The following PCDH11X variants were observed in gnomAD, a reference collection of about 807,000 sequenced individuals.
The protein encoded by PCDH11X is protocadherin 11 X-linked, also known as protocadherin-11 X-linked.
A neutral mutation model predicts 53.3 loss-of-function variants in PCDH11X; 18 were observed. The observed-to-expected ratio is 0.34, with a 90% CI of 0.23 to 0.50. The LOEUF (loss-of-function observed/expected upper bound fraction) is 0.50. PCDH11X is among the 20% of genes least tolerant of loss of function. The probability of loss-of-function intolerance (pLI) is 0.98; values close to 1 mark genes in which losing one functional copy is unlikely to be tolerated. For synonymous variants in PCDH11X, 279 were observed against 393.3 expected (o/e 0.71, Z 3.44); for missense variants, 570 against 1,032.4 (o/e 0.55, Z 6.14).
intron 6 of PCDH11X, among the ~76,000 whole-genome samples, chrX:92,136,984 CTT>C (rs1158660216): frequency 0.035 from 3,323 of 94,718 alleles, 168 homozygotes; most frequent in African/African-American, 0.12. Context: ...TTTCTTTTTT[CTT>C]TTTTTTTTTT....
chrX:92,523,882 T>C (rs1373253077), intron 10 of PCDH11X, among the ~76,000 whole-genome samples: 1 of 111,546 alleles, frequency 9.0e-6, no homozygotes, highest in Non-Finnish European at 1.9e-5. Flanking sequence ...CCATCATACA[T>C]TTGTTTTTAT....
chrX:92,557,634 G>T (rs1339860702), intron 10 of PCDH11X, among the ~76,000 whole-genome samples: 1 of 109,160 alleles, frequency 9.2e-6, no homozygotes, highest in Non-Finnish European at 1.9e-5. Flanking sequence ...CTACTTCTGA[G>T]CCCTCCAAGC....
At chrX:92,133,996 G>C (rs1198003387) in intron 6 of PCDH11X, among the ~76,000 whole-genome samples, 2 of 111,709 alleles carry the variant, frequency 1.8e-5, no homozygotes, top group Non-Finnish European at 3.8e-5. Flanking sequence ...AGTCCGGAAA[G>C]GTGGGACAAC....
intron 10 of PCDH11X, among the ~76,000 whole-genome samples, chrX:92,479,833 A>G (rs1378323146): frequency 9.3e-6 from 1 of 107,867 alleles, no homozygotes; most frequent in South Asian, 4.0e-4. Context: ...GTTCGGAATG[A>G]TTTTCTTGTA....
Position 92,278,307 on chromosome X carries a change from G to A in PCDH11X, c.3144+15164G>A, listed in dbSNP as rs146554474. 9.9e-3 allele frequency among the ~76,000 whole-genome samples: 1,109 copies of A among 111,665 alleles called. 20 individuals carry two copies. The highest frequency in any genetic ancestry group is 0.035 in the African/African-American group (1,059 of 30,660). ...GATCTTATGGAGCAAAAAGCAGGAG[G>A]ACAGGGGATTGATCTCCTAAGGGAG... On this transcript the variant is annotated intron_variant, in intron 8 of 10. Coordinates refer to ENST00000682573, the MANE Select transcript of PCDH11X (RefSeq NM_032968.5).
intron 6 of PCDH11X, among the ~76,000 whole-genome samples, chrX:92,153,595 C>T (rs1222080031): frequency 2.9e-4 from 32 of 110,857 alleles, no homozygotes; most frequent in African/African-American, 1.0e-3. Flanking sequence ...TTTATGTTGC[C>T]TGTATGTTTA....
intron 6 of PCDH11X, among the ~76,000 whole-genome samples, chrX:92,137,362 G>A (rs1304061754): frequency 9.0e-6 from 1 of 111,570 alleles, no homozygotes; most frequent in African/African-American, 3.3e-5. Flanking sequence ...AATGTCTGCT[G>A]TAGCAAAGCT....
chrX:92,312,879 C>T (rs1339702684), intron 8 of PCDH11X, among the ~76,000 whole-genome samples: 1 of 111,255 alleles, frequency 9.0e-6, no homozygotes, highest in Non-Finnish European at 1.9e-5. Flanking sequence ...CCTAAAATAA[C>T]TAACTCCTGT....
intron 8 of PCDH11X, among the ~76,000 whole-genome samples, chrX:92,331,674 A>C (rs1241953965): frequency 9.0e-6 from 1 of 111,019 alleles, no homozygotes; most frequent in Non-Finnish European, 1.9e-5. Flanking sequence ...ACCATAATAG[A>C]TTGGGGAAAT....
chrX:91,982,918 G>C, intron 6 of PCDH11X: 1 of 1,027,091 alleles, frequency 9.7e-7, no homozygotes. Flanking sequence ...TTCACTTTCT[G>C]GTAAATGAGG....
At chrX:92,010,628 T>A (rs1170135816) in intron 6 of PCDH11X, among the ~76,000 whole-genome samples, 4 of 111,053 alleles carry the variant, frequency 3.6e-5, no homozygotes, top group African/African-American at 1.3e-4. Context: ...AAATATTTGA[T>A]TAAATAATTC....
chrX:92,139,934 C>G (rs2148214183), intron 6 of PCDH11X, among the ~76,000 whole-genome samples: 1 of 107,909 alleles, frequency 9.3e-6, no homozygotes, highest in African/African-American at 3.4e-5. Context: ...AGAATCACTT[C>G]TAAGAAAGGA....
At chrX:92,376,584 G>T (rs1261356355) in intron 8 of PCDH11X, among the ~76,000 whole-genome samples, 2 of 111,615 alleles carry the variant, frequency 1.8e-5, no homozygotes, top group East Asian at 5.6e-4. Context: ...CTGCTTGGTT[G>T]TCTGTGATCA....
intron 10 of PCDH11X, among the ~76,000 whole-genome samples, chrX:92,497,187 A>T (rs2073874791): frequency 9.2e-6 from 1 of 108,922 alleles, no homozygotes; most frequent in South Asian, 4.0e-4. Context: ...GTGTAGGGGA[A>T]ATTCTGCCTA....
rs189668521 is a variant in PCDH11X, at chrX:92,115,605, G to A, written c.3034-85770G>A. On this transcript the variant is annotated intron_variant, in intron 6 of 10. Transcript: ENST00000682573. Reference sequence around the variant, plus strand: ...CATTCCGAGTCCCAAAACCTCGAAAGTAGGGAAGCCAACAGTTTAGCCTTC... The same window carrying A: ...CATTCCGAGTCCCAAAACCTCGAAAATAGGGAAGCCAACAGTTTAGCCTTC... Among the ~76,000 whole-genome samples the A allele has an allele frequency of 4.9e-3, 545 of 110,878 alleles. 4 individuals are homozygous for A. The highest frequency in any genetic ancestry group is 0.017 in the African/African-American group (509 of 30,517).
At chrX:91,800,860 T>C (rs1935908925) in intron 1 of PCDH11X, among the ~76,000 whole-genome samples, 1 of 108,665 alleles carries the variant, frequency 9.2e-6, no homozygotes. Context: ...TATTCATTTT[T>C]ACTTAAAACA....
intron 6 of PCDH11X, among the ~76,000 whole-genome samples, chrX:92,010,730 T>C (rs1388283702): frequency 9.1e-6 from 1 of 110,228 alleles, no homozygotes; most frequent in Non-Finnish European, 1.9e-5. Context: ...TCACTATTTT[T>C]TTTTCTGACT....
chrX:91,901,859 G>A (rs180807303), intron 6 of PCDH11X, among the ~76,000 whole-genome samples: 2 of 111,860 alleles, frequency 1.8e-5, no homozygotes, highest in Non-Finnish European at 3.8e-5. Flanking sequence ...ATACAAGACA[G>A]TATGGGAATA....
At chrX:92,088,606 T>A (rs747350798) in intron 6 of PCDH11X, among the ~76,000 whole-genome samples, 1 of 111,773 alleles carries the variant, frequency 8.9e-6, no homozygotes, top group South Asian at 3.7e-4. Flanking sequence ...CAAGTTTTGA[T>A]TGGAGGAGCC....
Sources: gnomAD v4.1 joint callset for allele counts (sites outside exome capture counted in the v4.1 genomes callset) on GRCh38, gnomAD v4.1.1 for gene constraint, MANE v1.5 for transcripts, NCBI Gene and HGNC (gene_info 2026-07-23, HGNC 2026-07-21) for gene names.